The following ZMAT4 variants were observed in gnomAD, a reference collection of about 807,000 sequenced individuals.
ZMAT4 encodes the protein zinc finger matrin-type 4.
ZMAT4 carries 17 observed loss-of-function variants against 28.7 expected under a neutral mutation model. That is an observed-to-expected ratio of 0.59 (90% CI 0.41 to 0.89). The LOEUF (loss-of-function observed/expected upper bound fraction) is 0.89, where lower values mean the gene tolerates loss of function less well. ZMAT4 is among the 40% of genes least tolerant of loss of function. The pLI, the probability that ZMAT4 is intolerant of heterozygous loss-of-function variation, is 0.00. For missense variants in ZMAT4, 240 were observed against 283.8 expected (o/e 0.85, Z 1.11); for synonymous variants, 117 against 109.2 (o/e 1.07, Z -0.44).
chr8:40,759,311 C>T (rs1173716417), intron 3 of ZMAT4, among the ~76,000 whole-genome samples: 2 of 149,472 alleles, frequency 1.3e-5, no homozygotes, highest in Non-Finnish European at 3.0e-5. Context: ...AAGGGAAAAG[C>T]CAGTCTAGAA....
At chr8:40,580,989 C>T (rs1267756749) in intron 6 of ZMAT4, among the ~76,000 whole-genome samples, 176 bp downstream of exon 6, 1 of 152,008 alleles carries the variant, frequency 6.6e-6, no homozygotes, top group African/African-American at 2.4e-5. Flanking sequence ...TTACTCATGC[C>T]AAATAAAGGG....
In ZMAT4 at chr8:40,774,602, G is replaced by A. The variant is rs183946779; in HGVS notation, c.103-6872C>T. On this transcript the variant is annotated intron_variant, in intron 2 of 6. Coordinates refer to ENST00000297737, the MANE Select transcript of ZMAT4 (RefSeq NM_024645.3). Reference sequence around the variant, plus strand: ...ATAAGTTAAATGCCCTAAAACAAGAGGGATAAATATTGTAATATATCCATA... The same window carrying A: ...ATAAGTTAAATGCCCTAAAACAAGAAGGATAAATATTGTAATATATCCATA... 4.7e-3 allele frequency among the ~76,000 whole-genome samples: 721 copies of A among 151,834 alleles called. 2 individuals are homozygous for A. Among genetic ancestry groups the A allele is most frequent in the African/African-American group, 0.017 (687 of 41,466 alleles).
At chr8:40,723,346 C>T (rs1358294191) in intron 3 of ZMAT4, among the ~76,000 whole-genome samples, 1 of 152,024 alleles carries the variant, frequency 6.6e-6, no homozygotes, top group East Asian at 1.9e-4. Context: ...AGTTTGACAC[C>T]AGCCTGGCCT....
At chr8:40,840,988 C>A (rs1816680641) in intron 1 of ZMAT4, among the ~76,000 whole-genome samples, 1 of 152,308 alleles carries the variant, frequency 6.6e-6, no homozygotes, top group South Asian at 2.1e-4. Context: ...CGGGGGAGTT[C>A]TTCGGCTAAT....
At chr8:40,819,159 G>A (rs1308638465) in intron 2 of ZMAT4, among the ~76,000 whole-genome samples, 1 of 152,054 alleles carries the variant, frequency 6.6e-6, no homozygotes, top group East Asian at 1.9e-4. Flanking sequence ...GTCTCTGTAG[G>A]TCCAATATGC....
intron 6 of ZMAT4, among the ~76,000 whole-genome samples, chr8:40,556,307 T>C (rs1803532221): frequency 6.6e-6 from 1 of 152,200 alleles, no homozygotes; most frequent in African/African-American, 2.4e-5. Context: ...TTCTTAATAA[T>C]TCATAGACTT....
At chr8:40,558,892 C>G (rs891817344) in intron 6 of ZMAT4, among the ~76,000 whole-genome samples, 1 of 152,032 alleles carries the variant, frequency 6.6e-6, no homozygotes, top group Non-Finnish European at 1.5e-5. Flanking sequence ...ACTGACAGAA[C>G]AGAGGGGCCA....
chr8:40,564,306 T>C (rs1803844065), intron 6 of ZMAT4, among the ~76,000 whole-genome samples: 1 of 152,108 alleles, frequency 6.6e-6, no homozygotes, highest in African/African-American at 2.4e-5. Context: ...CGAGAGTATA[T>C]TGAAGCAGGT....
chr8:40,676,205 A>T (rs909953661), intron 4 of ZMAT4, among the ~76,000 whole-genome samples: 1 of 152,148 alleles, frequency 6.6e-6, no homozygotes, highest in Non-Finnish European at 1.5e-5. Flanking sequence ...TGAAATCTGG[A>T]ATTCCCAAAG....
chr8:40,629,040 C>T (rs1258148131), intron 5 of ZMAT4, among the ~76,000 whole-genome samples: 1 of 144,932 alleles, frequency 6.9e-6, no homozygotes, highest in Non-Finnish European at 1.5e-5. Context: ...ATTCTTTGTT[C>T]ATCCCTTCGC....
intron 6 of ZMAT4, among the ~76,000 whole-genome samples, chr8:40,576,568 C>A (rs559012953): frequency 2.0e-5 from 3 of 148,684 alleles, no homozygotes; most frequent in East Asian, 3.9e-4. Flanking sequence ...GAATACTATA[C>A]CCTGGAAGGC....
At chr8:40,768,764 C>T (rs1041454325) in intron 2 of ZMAT4, among the ~76,000 whole-genome samples, 1 of 152,200 alleles carries the variant, frequency 6.6e-6, no homozygotes, top group Non-Finnish European at 1.5e-5. Context: ...ACATTTTTCA[C>T]TGTTGACTGC....
chr8:40,613,593 C>T (rs577442710), intron 5 of ZMAT4, among the ~76,000 whole-genome samples: 1 of 152,298 alleles, frequency 6.6e-6, no homozygotes, highest in African/African-American at 2.4e-5. Context: ...TTCTTCCCAG[C>T]TCACACATGC....
rs1461483156 is a variant in ZMAT4 at position 40,715,189 on chromosome 8, C to T, written c.193-17788G>A. ...GTAGAAGGAACAGTGAGTAGAGAGGCCTTGAGCATGAGGTGAGCAGCATGT... is the reference window on the plus strand; with the variant it reads ...GTAGAAGGAACAGTGAGTAGAGAGGTCTTGAGCATGAGGTGAGCAGCATGT... On this transcript the variant is annotated intron_variant, in intron 3 of 6. Transcript: ENST00000297737. Among the ~76,000 whole-genome samples the T allele has an allele frequency of 3.9e-5, 6 of 152,138 alleles. 1 individual carries two copies. Among genetic ancestry groups the T allele is most frequent in the Admixed American group, 3.9e-4 (6 of 15,272 alleles).
chr8:40,531,434 T>C lies in ZMAT4; in HGVS notation c.*789A>G, dbSNP rs1411138543. 6.6e-6 allele frequency: 1 copy of C among 152,478 alleles called. No homozygotes were observed. The highest frequency in any genetic ancestry group is 1.5e-5 in the Non-Finnish European group (1 of 68,046). 9.4% of individuals were successfully genotyped at this position (152,478 alleles called of 1,614,324 possible). A position where few individuals can be genotyped will look rare whatever the true frequency, so the allele number is the denominator to read the frequency against. ...TTTATTTCCATCTCATTCTGGGGTT[T>C]ATAATTCTTCTTTTGGATGCTTTTG... is the stretch of plus-strand genomic sequence containing the variant. On this transcript the variant is annotated 3_prime_UTR_variant, in exon 7 of 7. Coordinates refer to ENST00000297737, the MANE Select transcript of ZMAT4 (RefSeq NM_024645.3).
chr8:40,859,856 G>A (rs745393364), intron 1 of ZMAT4, among the ~76,000 whole-genome samples: 7 of 152,138 alleles, frequency 4.6e-5, no homozygotes, highest in African/African-American at 1.7e-4. Flanking sequence ...GAGATCAGAA[G>A]AGCAATTTCT....
At chr8:40,619,429 T>A (rs1001725780) in intron 5 of ZMAT4, among the ~76,000 whole-genome samples, 3 of 152,174 alleles carry the variant, frequency 2.0e-5, no homozygotes, top group Non-Finnish European at 4.4e-5. Context: ...GGTGCCTTCA[T>A]CAGATATGCT....
intron 1 of ZMAT4, among the ~76,000 whole-genome samples, chr8:40,887,765 C>T (rs1179663377): frequency 1.3e-5 from 2 of 152,130 alleles, no homozygotes; most frequent in African/African-American, 4.8e-5. Flanking sequence ...TGCCTCTCGG[C>T]TCCCCCTCCC....
At chr8:40,617,639 T>A (rs922369267) in intron 5 of ZMAT4, among the ~76,000 whole-genome samples, 1 of 152,190 alleles carries the variant, frequency 6.6e-6, no homozygotes, top group African/African-American at 2.4e-5. Context: ...TATCTGTAAA[T>A]GCCCTCTTTG....
Sources: allele counts gnomAD v4.1 joint callset (sites outside exome capture counted in the v4.1 genomes callset), GRCh38; gene constraint gnomAD v4.1.1; transcripts MANE v1.5; gene names NCBI Gene and HGNC (gene_info 2026-07-23, HGNC 2026-07-21).